The following ESRRA variants were observed in gnomAD, a reference collection of about 807,000 sequenced individuals.
The protein encoded by ESRRA is steroid hormone receptor ERR1.
In ESRRA, 7 loss-of-function variants were observed where a neutral mutation model predicts 35.6. That is an observed-to-expected ratio of 0.20 (90% CI 0.11 to 0.37). The LOEUF (loss-of-function observed/expected upper bound fraction) is 0.37. Among genes scored for constraint, ESRRA ranks in the 10% least tolerant of loss-of-function variants. ESRRA has a pLI of 1.00. For synonymous variants in ESRRA, 223 were observed against 246.9 expected (o/e 0.90, Z 0.91); for missense variants, 378 against 561.7 (o/e 0.67, Z 3.31).
At chr11:64,310,538 T>C (rs2035120217) in intron 2 of ESRRA, among the ~76,000 whole-genome samples, 1 of 92,396 alleles carries the variant, frequency 1.1e-5, no homozygotes, top group African/African-American at 3.6e-5. Flanking sequence ...CTGGCCAGGT[T>C]TTTTTTTTTT....
intron 1 of ESRRA, chr11:64,306,938 G>T (rs1239579348): frequency 1.8e-5 from 7 of 397,360 alleles, no homozygotes; most frequent in Non-Finnish European, 3.1e-5. Flanking sequence ...AGGTTCCCAA[G>T]GGGGAGACCT....
Position 64,313,985 on chromosome 11 carries a change from G to C in ESRRA, c.360G>C (p.Glu120Asp). The change falls in exon 3 of 7, where the codon GAG (glutamate) becomes GAC (aspartate). Residue 120 changes from glutamate to aspartate, a missense_variant. This residue lies in a region of ESRRA where 284 missense variants were observed against 411.7 expected (regional missense o/e 0.69). Coordinates refer to ENST00000000442, the MANE Select transcript of ESRRA (RefSeq NM_004451.5). This position sits in a 1 kb window ranked among gnomAD's most constrained non-coding sequence, Gnocchi z 4.0. ...AGTACAGCTGTCCGGCCTCCAACGA[G>C]TGTGAGATCACCAAGCGGAGACGCA... Reference protein sequence around the residue: ...SIEYSCPASNECEITKRRRKA... With the variant: ...SIEYSCPASNDCEITKRRRKA... The C allele has an allele frequency of 6.3e-7, 1 of 1,583,562 alleles. No individual in the cohort carries two copies. Among genetic ancestry groups the C allele is most frequent in the Non-Finnish European group, 8.6e-7 (1 of 1,165,076 alleles).
At position 64,314,728 on chromosome 11, in the gene ESRRA, C is replaced by G; in HGVS notation, c.572-13C>G. The G allele has an allele frequency of 1.2e-6, 2 of 1,608,054 alleles. No individual in the cohort carries two copies. The highest frequency in any genetic ancestry group is 1.1e-5 in the South Asian group (1 of 90,634). On this transcript the variant is annotated splice_polypyrimidine_tract_variant and intron_variant, in intron 4 of 6. Transcript: ENST00000000442. ...TTCGAGTGCTCCTGACTCTTGTCCT[C>G]TAATTGTCACAGCAGCCCCAGTGAA...
intron 2 of ESRRA, among the ~76,000 whole-genome samples, chr11:64,308,007 T>C (rs1452912035): frequency 6.6e-6 from 1 of 152,068 alleles, no homozygotes; most frequent in East Asian, 1.9e-4. Context: ...TTCTCCTGCC[T>C]CAGCCTCCTG....
At chr11:64,311,438 C>G (rs1448646758) in intron 2 of ESRRA, among the ~76,000 whole-genome samples, 1 of 145,206 alleles carries the variant, frequency 6.9e-6, no homozygotes, top group South Asian at 2.2e-4. Flanking sequence ...TTTTTTGAGA[C>G]GGAGTCTCGC....
intron 2 of ESRRA, 119 bp downstream of exon 2, chr11:64,307,623 T>C: frequency 1.5e-6 from 1 of 681,112 alleles, no homozygotes; most frequent in Non-Finnish European, 2.2e-6. Context: ...GTGTTTCCAG[T>C]CCCTCTACCT....
chr11:64,314,660 G>C, intron 4 of ESRRA, 81 bp from the exon 5 acceptor site: 1 of 1,406,928 alleles, frequency 7.1e-7, no homozygotes, highest in South Asian at 1.3e-5. Flanking sequence ...GGCCACAGGG[G>C]GAGCCACTGT....
chr11:64,309,442 A>AG (rs2035098515), intron 2 of ESRRA, among the ~76,000 whole-genome samples: 1 of 151,546 alleles, frequency 6.6e-6, no homozygotes, highest in Admixed American at 6.6e-5. Flanking sequence ...CTCAAAAAAA[A>AG]AAAAAAAAGG....
chr11:64,309,516 A>T (rs2135251911), intron 2 of ESRRA, among the ~76,000 whole-genome samples: 1 of 151,820 alleles, frequency 6.6e-6, no homozygotes, highest in South Asian at 2.1e-4. Flanking sequence ...AGCTTATCAG[A>T]ATTTGGGGGA....
At position 64,313,817 on chromosome 11, in the gene ESRRA, T is replaced by A; in HGVS notation, c.326-134T>A. 1.7e-6 allele frequency: 1 copy of A among 601,566 alleles called. No homozygotes were observed. The allele number at this position is 601,566 out of a possible 1,614,324, so 37.3% of individuals were successfully genotyped here. On this transcript the variant is annotated intron_variant, in intron 2 of 6. Coordinates refer to ENST00000000442, the MANE Select transcript of ESRRA (RefSeq NM_004451.5). The surrounding 1 kb of genome is among the most constrained non-coding windows in gnomAD (Gnocchi z 4.0). ...AGCCACTCCCCTCCCTGCCTGCTCA[T>A]GGCCCCCTGCTCTCCCTTTCCTCCC...
intron 1 of ESRRA, chr11:64,306,791 C>T (rs975086139): frequency 5.7e-6 from 1 of 175,566 alleles, no homozygotes; most frequent in Non-Finnish European, 1.2e-5. Context: ...TCTCAGAGGT[C>T]CCCCCAACAT....
At chr11:64,315,556 G>C in intron 6 of ESRRA, 151 bp from the exon 7 acceptor site, 5 of 1,161,066 alleles carry the variant, frequency 4.3e-6, no homozygotes, top group South Asian at 4.3e-5. Context: ...CCTGGCCCAC[G>C]AGCCGCAGCA....
intron 4 of ESRRA, 27 bp from the exon 5 acceptor site, chr11:64,314,714 C>T: frequency 6.3e-7 from 1 of 1,599,980 alleles, no homozygotes; most frequent in Non-Finnish European, 8.5e-7. Context: ...TCGAGTGCTC[C>T]TGACTCTTGT....
chr11:64,311,183 A>G (rs2035132607), intron 2 of ESRRA, among the ~76,000 whole-genome samples: 1 of 152,202 alleles, frequency 6.6e-6, no homozygotes, highest in African/African-American at 2.4e-5. Flanking sequence ...TCATAAAGGT[A>G]TGTGGTAGCC....
chr11:64,315,434 C>A (rs529695808), intron 6 of ESRRA, among the ~76,000 whole-genome samples, 164 bp downstream of exon 6: 1 of 152,240 alleles, frequency 6.6e-6, no homozygotes, highest in Non-Finnish European at 1.5e-5. Context: ...AGGCTCCAAA[C>A]TGCACACAGG....
At chr11:64,312,566 G>A (rs1283989394) in intron 2 of ESRRA, among the ~76,000 whole-genome samples, 1 of 152,234 alleles carries the variant, frequency 6.6e-6, no homozygotes, top group Non-Finnish European at 1.5e-5. Flanking sequence ...TGTGAGGCCG[G>A]GAGGGCTGCC....
chr11:64,308,522 CAAAA>C (rs71045760), intron 2 of ESRRA, among the ~76,000 whole-genome samples: 2 of 87,128 alleles, frequency 2.3e-5, no homozygotes, highest in Admixed American at 1.4e-4. Context: ...GATTCCATCT[CAAAA>C]AAAAAAAAAA....
At chr11:64,311,755 C>T (rs1172384652) in intron 2 of ESRRA, among the ~76,000 whole-genome samples, 1 of 150,942 alleles carries the variant, frequency 6.6e-6, no homozygotes, top group Admixed American at 6.6e-5. Flanking sequence ...TACAGTGGCA[C>T]GATCTCAGCT....
chr11:64,313,727 C>T lies in ESRRA; in HGVS notation c.326-224C>T. The T allele has an allele frequency of 2.0e-6, 1 of 509,998 alleles. No homozygotes were observed. The highest frequency in any genetic ancestry group is 2.8e-5 in the South Asian group (1 of 35,802). The allele number at this position is 509,998 out of a possible 1,614,324, so 31.6% of individuals were successfully genotyped here. A position where few individuals can be genotyped will look rare whatever the true frequency, so the allele number is the denominator to read the frequency against. ...TGTGGTCCAGAGATGAGGCTTGGGG[C>T]TGAGATGCAGCCCCGCTGCCTGGTC... On this transcript the variant is annotated intron_variant, in intron 2 of 6. Transcript: ENST00000000442. The surrounding 1 kb of genome is among the most constrained non-coding windows in gnomAD (Gnocchi z 4.0).
Sources: gnomAD v4.1 joint callset for allele counts (sites outside exome capture counted in the v4.1 genomes callset) on GRCh38, gnomAD v4.1.1 for gene constraint, gnomAD v4.1.1 regional missense constraint, Gnocchi (gnomAD v3.1) non-coding constraint, MANE v1.5 for transcripts, NCBI Gene and HGNC (gene_info 2026-07-23, HGNC 2026-07-21) for gene names.